The following ADGRV1 variants were observed in gnomAD, a reference collection of about 807,000 sequenced individuals.
ADGRV1 encodes adhesion G protein-coupled receptor V1, also known as G-protein coupled receptor 98.
Under a neutral mutation model 596.2 loss-of-function variants are expected in ADGRV1, and 359 were observed. The observed-to-expected ratio is 0.60, with a 90% confidence interval of 0.55 to 0.66. The LOEUF (loss-of-function observed/expected upper bound fraction) is 0.66, where lower values mean the gene tolerates loss of function less well. Ranked by LOEUF, ADGRV1 falls within the 30% of genes least tolerant of loss-of-function variation. ADGRV1 has a pLI of 0.00. For synonymous variants in ADGRV1, 2,681 were observed against 2,679.2 expected (o/e 1.00, Z -0.02); for missense variants, 7,274 against 7,575.6 (o/e 0.96, Z 1.48).
At chr5:90,899,007 G>C (rs1218491358) in intron 83 of ADGRV1, among the ~76,000 whole-genome samples, 1 of 152,098 alleles carries the variant, frequency 6.6e-6, no homozygotes, top group African/African-American at 2.4e-5. Context: ...TGAACAGGAG[G>C]AACTGAGGAT....
intron 84 of ADGRV1, among the ~76,000 whole-genome samples, chr5:90,980,965 T>C (rs1237200767): frequency 6.6e-6 from 1 of 152,232 alleles, no homozygotes; most frequent in Non-Finnish European, 1.5e-5. Flanking sequence ...TAGCCTTGGT[T>C]ACTCTCTGTG....
Position 90,658,013 on chromosome 5 carries a change from A to T in ADGRV1, c.4487A>T (p.Tyr1496Phe). The T allele has an allele frequency of 2.5e-6, 4 of 1,614,000 alleles. No homozygotes were observed. In the South Asian group the frequency reaches 4.4e-5, roughly 18 times the overall value. ...CGGAAACTGACGCTTGAAGAAATTT[A>T]TGAACTTCATGCCATGCCCGCAAAA... is the stretch of plus-strand genomic sequence containing the variant. Reference protein sequence around the residue: ...YERKLTLEEIYELHAMPAKSD... With the variant: ...YERKLTLEEIFELHAMPAKSD... Residue 1496 changes from tyrosine to phenylalanine, a missense_variant, in exon 21 of 90, where the codon TAT (tyrosine) becomes TTT (phenylalanine). Physicochemically the swap from Tyr to Phe is conservative, Grantham distance 22. This residue lies in a region of ADGRV1 where 3,643 missense variants were observed against 3,809.2 expected (regional missense o/e 0.96). Coordinates refer to ENST00000405460, the MANE Select transcript of ADGRV1 (RefSeq NM_032119.4).
At chr5:90,632,539 A>G (rs1010990578) in intron 9 of ADGRV1, among the ~76,000 whole-genome samples, 2 of 152,334 alleles carry the variant, frequency 1.3e-5, no homozygotes, top group African/African-American at 2.4e-5. Context: ...AAAAAGTCCA[A>G]TATTTCTATC....
At chr5:90,958,283 C>CAAAAAAAAA (rs34676985) in intron 83 of ADGRV1, among the ~76,000 whole-genome samples, 48 of 72,784 alleles carry the variant, frequency 6.6e-4, no homozygotes, top group Middle Eastern at 9.6e-3. Flanking sequence ...GACCTTGTCT[C>CAAAAAAAAA]AAAAAAAAAA....
intron 29 of ADGRV1, among the ~76,000 whole-genome samples, chr5:90,689,332 C>CTTT (rs34756274): frequency 8.4e-4 from 88 of 104,378 alleles, no homozygotes; most frequent in African/African-American, 2.3e-3. Context: ...CCCCACCCAC[C>CTTT]TTTTTTTTTT....
At position 91,066,357 on chromosome 5, in the gene ADGRV1, G is replaced by A. The variant is rs542477023; in HGVS notation, c.18153-6090G>A. Among the ~76,000 whole-genome samples, 127 of 152,196 alleles carry A rather than the reference G, an allele frequency of 8.3e-4. 1 individual carries two copies. Among genetic ancestry groups the A allele is most frequent in the African/African-American group, 2.9e-3 (119 of 41,516 alleles). On this transcript the variant is annotated intron_variant, in intron 85 of 89. Transcript: ENST00000405460. Reference sequence around the variant, plus strand: ...CTCAAACTAACTACCTGAATATACTGTACCTCTAATTTGGGTGGACTGGAG... The same window carrying A: ...CTCAAACTAACTACCTGAATATACTATACCTCTAATTTGGGTGGACTGGAG...
chr5:90,745,530 A>T, intron 51 of ADGRV1, 61 bp from the exon 52 acceptor site: 2 of 1,108,252 alleles, frequency 1.8e-6, no homozygotes, highest in Non-Finnish European at 1.3e-6. Context: ...TGAGTAGTCT[A>T]CTATGTATAT....
At position 90,815,880 on chromosome 5, in the gene ADGRV1, A is replaced by G. The variant is rs1262897115; in HGVS notation, c.16196+144A>G. 42 of 601,076 alleles carry G rather than the reference A, an allele frequency of 7.0e-5. 1 individual carries two copies. The South Asian group carries it at 8.1e-4, about 12-fold the overall frequency. 37.2% of individuals were successfully genotyped at this position (601,076 alleles called of 1,614,324 possible). On this transcript the variant is annotated intron_variant, in intron 75 of 89. Coordinates refer to ENST00000405460, the MANE Select transcript of ADGRV1 (RefSeq NM_032119.4). ...CACGTCTTCAGATGCTCTAGTTCTT[A>G]ATTTGTGATTATGGTACTTCGTTTA... is the stretch of plus-strand genomic sequence containing the variant.
In ADGRV1 at chr5:90,709,875, T is replaced by C. The variant is rs192183930; in HGVS notation, c.8824+966T>C. 4.6e-5 allele frequency among the ~76,000 whole-genome samples: 7 copies of C among 152,364 alleles called. No homozygotes were observed. The East Asian group carries it at 1.3e-3, about 29-fold the overall frequency. On this transcript the variant is annotated intron_variant, in intron 39 of 89. Coordinates refer to ENST00000405460, the MANE Select transcript of ADGRV1 (RefSeq NM_032119.4). The stretch of plus-strand genomic sequence containing the variant: ...AGATAATTTGAATAGTTAACTTCTG[T>C]TGAGTGGTTTCTAATGCTCCTATTT...
rs1368879842 is a variant in ADGRV1 at position 90,646,028 on chromosome 5, G to C, written c.2959G>C (p.Val987Leu). ...ILLNGTGGAKVGNRTTATLRI... is the reference protein window; with the variant it reads ...ILLNGTGGAKLGNRTTATLRI... ...ACTGAATGGCACTGGAGGAGCTAAA[G>C]TGGGAAATAGAACAACTGCAACTCT... The change falls in exon 16 of 90, where the codon GTG becomes CTG. Residue 987 changes from valine to leucine, a missense_variant. Val to Leu is a conservative substitution (Grantham distance 32). This residue lies in a region of ADGRV1 where 1,715 missense variants were observed against 1,708.8 expected (regional missense o/e 1.00). Transcript: ENST00000405460. 1.4e-5 allele frequency: 23 copies of C among 1,606,834 alleles called. No individual in the cohort carries two copies. The highest frequency in any genetic ancestry group is 1.9e-5 in the Non-Finnish European group (22 of 1,176,086).
At chr5:90,874,780 C>T (rs1769063044) in intron 83 of ADGRV1, among the ~76,000 whole-genome samples, 1 of 151,964 alleles carries the variant, frequency 6.6e-6, no homozygotes, top group African/African-American at 2.4e-5. Flanking sequence ...ATGGCGTGAA[C>T]CCAGGAGGCG....
At chr5:90,743,549 G>C (rs1285275635) in intron 50 of ADGRV1, among the ~76,000 whole-genome samples, 3 of 145,994 alleles carry the variant, frequency 2.1e-5, no homozygotes, top group African/African-American at 7.7e-5. Flanking sequence ...TCGGCTCACT[G>C]CAAGCTTCGC....
At chr5:90,679,703 C>A in intron 26 of ADGRV1, 74 bp downstream of exon 26, 2 of 956,034 alleles carry the variant, frequency 2.1e-6, no homozygotes, top group Non-Finnish European at 3.3e-6. Context: ...ACAATACTAA[C>A]CACTTATTGA....
intron 85 of ADGRV1, among the ~76,000 whole-genome samples, chr5:91,019,859 G>A (rs1257488504): frequency 1.3e-5 from 2 of 151,886 alleles, no homozygotes; most frequent in Non-Finnish European, 2.9e-5. Flanking sequence ...TTATTCTGGT[G>A]CAGAACATTT....
intron 82 of ADGRV1, among the ~76,000 whole-genome samples, chr5:90,857,247 AT>A (rs1479020188): frequency 6.6e-6 from 1 of 152,116 alleles, no homozygotes; most frequent in Admixed American, 6.6e-5. Flanking sequence ...GAGCAAAGAA[AT>A]TTTATAGAAT....
intron 75 of ADGRV1, among the ~76,000 whole-genome samples, chr5:90,821,744 G>T (rs930837117): frequency 6.6e-6 from 1 of 151,890 alleles, no homozygotes; most frequent in East Asian, 1.9e-4. Flanking sequence ...CAGGGGTCAG[G>T]CACCCACTTG....
At chr5:90,603,897 C>G (rs977537409) in intron 1 of ADGRV1, among the ~76,000 whole-genome samples, 4 of 82,202 alleles carry the variant, frequency 4.9e-5, no homozygotes, top group African/African-American at 1.2e-4. Flanking sequence ...CGTGCCTGCA[C>G]ACACGTGTGT....
At chr5:90,956,070 C>A (rs1777450368) in intron 83 of ADGRV1, among the ~76,000 whole-genome samples, 2 of 152,234 alleles carry the variant, frequency 1.3e-5, no homozygotes, top group African/African-American at 2.4e-5. Flanking sequence ...TCTTCAATTC[C>A]ATCTAACAAG....
At chr5:90,657,805 A>G in intron 20 of ADGRV1, 100 bp from the exon 21 acceptor site, 1 of 1,280,960 alleles carries the variant, frequency 7.8e-7, no homozygotes, top group African/African-American at 1.5e-5. Context: ...TTATCCAAAA[A>G]TATCTTTCAG....
Sources: allele counts gnomAD v4.1 joint callset (sites outside exome capture counted in the v4.1 genomes callset), GRCh38; gene constraint gnomAD v4.1.1; regional missense constraint gnomAD v4.1.1; transcripts MANE v1.5; gene names NCBI Gene and HGNC (gene_info 2026-07-23, HGNC 2026-07-21).